PCYT1B: variants seen among roughly 807,000 people sequenced by gnomAD.
The protein encoded by PCYT1B is phosphate cytidylyltransferase 1B, choline.
In PCYT1B, 10 loss-of-function variants were observed where a neutral mutation model predicts 26.4. That is an observed-to-expected ratio of 0.38 (90% CI 0.23 to 0.64). The LOEUF (loss-of-function observed/expected upper bound fraction) is 0.64. PCYT1B is among the 30% of genes least tolerant of loss of function. PCYT1B has a pLI of 0.56. For missense variants in PCYT1B, 161 were observed against 292.7 expected, an observed-to-expected ratio of 0.55 and a Z score of 3.28; for synonymous variants, 131 against 108.4, an observed-to-expected ratio of 1.21 and a Z score of -1.29.
intron 6 of PCYT1B, among the ~76,000 whole-genome samples, chrX:24,576,846 G>A (rs1924032497): frequency 9.0e-6 from 1 of 111,182 alleles, no homozygotes; most frequent in Non-Finnish European, 1.9e-5. Flanking sequence ...TTTCTATGTT[G>A]GACATAGTCA....
At chrX:24,630,342 C>A (rs1255904978) in intron 1 of PCYT1B, among the ~76,000 whole-genome samples, 1 of 111,841 alleles carries the variant, frequency 8.9e-6, no homozygotes, top group East Asian at 2.8e-4. Context: ...GTCACCCAGG[C>A]TGGAGTGCAG....
At chrX:24,616,913 G>A (rs183673690) in intron 2 of PCYT1B, among the ~76,000 whole-genome samples, 47 of 112,251 alleles carry the variant, frequency 4.2e-4, no homozygotes, top group Non-Finnish European at 1.7e-4. Context: ...TCATGGTTGA[G>A]AGGTCAAGCT....
chrX:24,658,134 G>A (rs1283584503), intron 1 of PCYT1B: 1 of 111,881 alleles, frequency 8.9e-6, no homozygotes, highest in African/African-American at 3.2e-5. Flanking sequence ...ATTGACAAGT[G>A]AGTCATCAGG....
intron 1 of PCYT1B, among the ~76,000 whole-genome samples, chrX:24,662,460 A>G (rs1328556087): frequency 9.0e-6 from 1 of 111,417 alleles, no homozygotes; most frequent in African/African-American, 3.3e-5. Context: ...ACTGTAAGAT[A>G]ATGGCTCTGC....
chrX:24,623,993 A>T (rs1925792394), intron 1 of PCYT1B, among the ~76,000 whole-genome samples: 1 of 89,879 alleles, frequency 1.1e-5, no homozygotes. Flanking sequence ...TTTTTTTGAG[A>T]CAGAGTCTCG....
chrX:24,623,661 A>C (rs1925777984), intron 1 of PCYT1B, among the ~76,000 whole-genome samples: 1 of 111,318 alleles, frequency 9.0e-6, no homozygotes, highest in Non-Finnish European at 1.9e-5. Context: ...AATCATACCA[A>C]AGCCACATTT....
At position 24,624,251 on chromosome X, in the gene PCYT1B, G is replaced by C. The variant is rs781319103; in HGVS notation, c.118-5167C>G. On this transcript the variant is annotated intron_variant, in intron 1 of 7. Transcript: ENST00000379144. ...CCCAAAGTGCTGGGATTACAGGCAT[G>C]AGCCACCGCGCCCGGCCAAGCTAAG... is the stretch of plus-strand genomic sequence containing the variant. Among the ~76,000 whole-genome samples the C allele has an allele frequency of 5.0e-3, 556 of 111,774 alleles. 1 individual carries two copies. Among genetic ancestry groups the C allele is most frequent in the Admixed American group, 9.4e-3 (99 of 10,538 alleles).
chrX:24,564,600 C>G (rs765230127), intron 7 of PCYT1B, among the ~76,000 whole-genome samples: 19 of 110,786 alleles, frequency 1.7e-4, no homozygotes, highest in African/African-American at 5.6e-4. Context: ...GATCCGCCCA[C>G]TTTGGCCTCC....
In PCYT1B at chrX:24,561,692, T is replaced by C; in HGVS notation, c.*601A>G. 6.1e-6 allele frequency: 1 copy of C among 163,861 alleles called. No homozygotes were observed. Among genetic ancestry groups the C allele is most frequent in the South Asian group, 2.0e-4 (1 of 5,060 alleles). The allele number at this position is 163,861 out of a possible 1,213,427, so 13.5% of individuals were successfully genotyped here. ...TTAAGGTTCACACTAGATGACCTTT[T>C]ATAACCAGCCTAAAGCAAGGCTTTG... is the stretch of plus-strand genomic sequence containing the variant. On this transcript the variant is annotated 3_prime_UTR_variant, in exon 8 of 8. Coordinates refer to ENST00000379144, the MANE Select transcript of PCYT1B (RefSeq NM_004845.5).
intron 1 of PCYT1B, among the ~76,000 whole-genome samples, chrX:24,636,955 C>T (rs754450938): frequency 9.0e-6 from 1 of 111,333 alleles, no homozygotes; most frequent in Non-Finnish European, 1.9e-5. Context: ...CATTCTGCTT[C>T]TGCTGGGCAT....
intron 7 of PCYT1B, among the ~76,000 whole-genome samples, chrX:24,562,794 C>G (rs2148216332): frequency 9.4e-6 from 1 of 106,254 alleles, no homozygotes; most frequent in East Asian, 3.0e-4. Flanking sequence ...GTGGCATGAT[C>G]TTGGCTCACT....
intron 2 of PCYT1B, among the ~76,000 whole-genome samples, chrX:24,615,323 C>G (rs1925451203): frequency 9.0e-6 from 1 of 111,279 alleles, no homozygotes; most frequent in African/African-American, 3.3e-5. Context: ...AATACACCAC[C>G]ATCTTATTAC....
chrX:24,591,197 G>A (rs946926028), intron 3 of PCYT1B, among the ~76,000 whole-genome samples: 1 of 111,259 alleles, frequency 9.0e-6, no homozygotes, highest in African/African-American at 3.3e-5. Context: ...TAGAAAAAAA[G>A]TGCTTTTAAA....
At chrX:24,581,664 A>G (rs775725676) in intron 5 of PCYT1B, among the ~76,000 whole-genome samples, 96 of 112,244 alleles carry the variant, frequency 8.6e-4, no homozygotes, top group Non-Finnish European at 1.6e-3. Flanking sequence ...TATAAGCTAC[A>G]CTAGGGAAGG....
intron 1 of PCYT1B, among the ~76,000 whole-genome samples, chrX:24,620,974 C>T (rs1024717876): frequency 2.7e-5 from 3 of 112,205 alleles, no homozygotes; most frequent in Non-Finnish European, 3.8e-5. Flanking sequence ...TCACAACACT[C>T]ATTTAACAAC....
chrX:24,572,266 G>GCGCA (rs1555955602), intron 7 of PCYT1B, among the ~76,000 whole-genome samples: 1 of 98,995 alleles, frequency 1.0e-5, no homozygotes, highest in African/African-American at 3.7e-5. Flanking sequence ...ACACGCGCGC[G>GCGCA]CACACACACA....
At chrX:24,568,765 T>C (rs1188150473) in intron 7 of PCYT1B, among the ~76,000 whole-genome samples, 1 of 111,177 alleles carries the variant, frequency 9.0e-6, no homozygotes, top group Non-Finnish European at 1.9e-5. Context: ...AAACTTTTCA[T>C]GTTTATTCAC....
At chrX:24,577,381 G>C (rs1485189505) in intron 6 of PCYT1B, among the ~76,000 whole-genome samples, 1 of 112,220 alleles carries the variant, frequency 8.9e-6, no homozygotes, top group African/African-American at 3.2e-5. Flanking sequence ...AATAACTTTT[G>C]AAAATGGCTT....
chrX:24,648,306 A>C (rs1193590473), upstream of PCYT1B, among the ~76,000 whole-genome samples: 1 of 111,151 alleles, frequency 9.0e-6, no homozygotes, highest in Non-Finnish European at 1.9e-5. Context: ...GCATTTATTA[A>C]GCACAAGCAC....
Sources: gnomAD v4.1 joint callset for allele counts (sites outside exome capture counted in the v4.1 genomes callset) on GRCh38, gnomAD v4.1.1 for gene constraint, MANE v1.5 for transcripts, NCBI Gene and HGNC (gene_info 2026-07-23, HGNC 2026-07-21) for gene names.